The following ARL17A variants were observed in gnomAD, a reference collection of about 807,000 sequenced individuals.
The protein encoded by ARL17A is ADP-ribosylation factor-like 17-like.
chr17:46,525,623 C>A (rs369569241), downstream of ARL17A, among the ~76,000 whole-genome samples: 7,522 of 104,862 alleles, frequency 0.072, 134 homozygotes, highest in Non-Finnish European at 0.083. Context: ...TAATCATCAT[C>A]ATCATCATCA....
intron 3 of ARL17A, among the ~76,000 whole-genome samples, chr17:46,541,339 C>T (rs2145563558): frequency 6.7e-6 from 1 of 149,770 alleles, no homozygotes; most frequent in South Asian, 2.1e-4. Context: ...GCAACCTCCA[C>T]CTCCCAGGTT....
intron 4 of ARL17A, among the ~76,000 whole-genome samples, chr17:46,532,926 G>C (rs1203955565): frequency 1.4e-5 from 2 of 142,870 alleles, no homozygotes; most frequent in African/African-American, 2.8e-5. Flanking sequence ...CATACTGAGA[G>C]CTTATCTCTA....
chr17:46,503,690 T>C, the ARL17A span, among the ~76,000 whole-genome samples: 1 of 109,032 alleles, frequency 9.2e-6, no homozygotes, highest in African/African-American at 3.3e-5. Context: ...CAGATGAACC[T>C]CTAGTTGTTT....
Position 46,529,462 on chromosome 17 carries a change from A to G in ARL17A, c.336-603T>C, listed in dbSNP as rs551826647. Among the ~76,000 whole-genome samples the G allele has an allele frequency of 2.0e-4, 21 of 107,406 alleles. 3 individuals carry two copies. The highest frequency in any genetic ancestry group is 5.7e-4 in the African/African-American group (18 of 31,388). 70.5% of individuals were successfully genotyped at this position (107,406 alleles called of 152,430 possible). ...GAGTCAGTGCACCTTAGTTTAATGT[A>G]TAAAATGAAGGACTTGAACCAGAAA... is the stretch of plus-strand genomic sequence containing the variant. On this transcript the variant is annotated intron_variant, in intron 4 of 4. Coordinates refer to the ARL17A transcript ENST00000329240.
chr17:46,539,913 T>G (rs1189548759), intron 3 of ARL17A, among the ~76,000 whole-genome samples: 1 of 146,346 alleles, frequency 6.8e-6, no homozygotes, highest in Non-Finnish European at 1.5e-5. Context: ...ACCTGAAAAG[T>G]TCTGTGGCAT....
At chr17:46,534,722 G>C (rs2054332631) in intron 4 of ARL17A, among the ~76,000 whole-genome samples, 1 of 150,118 alleles carries the variant, frequency 6.7e-6, no homozygotes, top group Non-Finnish European at 1.5e-5. Flanking sequence ...ACACCTCCCA[G>C]ACGGGGTGGC....
In ARL17A at chr17:46,554,086, T is replaced by C; in HGVS notation, c.*3270A>G. On this transcript the variant is annotated 3_prime_UTR_variant, in exon 4 of 4. Transcript: ENST00000336125. ...CTGGATCCTAGAACTGAGGAAACAC[T>C]ATTTTCTCATCTTACTGGTTTTTGG... 2.0e-6 allele frequency: 2 copies of C among 982,094 alleles called. No homozygotes were observed. Among genetic ancestry groups the C allele is most frequent in the Non-Finnish European group, 2.4e-6 (2 of 830,116 alleles). 60.8% of individuals were successfully genotyped at this position (982,094 alleles called of 1,614,324 possible). A position where few individuals can be genotyped will look rare whatever the true frequency, so the allele number is the denominator to read the frequency against.
the ARL17A span, among the ~76,000 whole-genome samples, chr17:46,501,845 A>T: frequency 6.6e-6 from 1 of 151,220 alleles, no homozygotes; most frequent in African/African-American, 2.5e-5. Flanking sequence ...ATTAACCTTG[A>T]TCAAATCTGA....
chr17:46,530,331 A>T (rs1314624557), intron 4 of ARL17A, among the ~76,000 whole-genome samples: 1 of 136,488 alleles, frequency 7.3e-6, no homozygotes, highest in Non-Finnish European at 1.6e-5. Flanking sequence ...TTAAAGCCCT[A>T]GTTTGAGAAT....
the ARL17A span, among the ~76,000 whole-genome samples, chr17:46,501,511 C>T: frequency 4.0e-5 from 6 of 151,362 alleles, no homozygotes; most frequent in East Asian, 9.7e-4. Flanking sequence ...AATGTGTGGG[C>T]GTGACCAAGT....
At chr17:46,502,515 T>C in the ARL17A span, among the ~76,000 whole-genome samples, 1 of 150,860 alleles carries the variant, frequency 6.6e-6, no homozygotes, top group Non-Finnish European at 1.5e-5. Flanking sequence ...TTGGTCAGGC[T>C]GGTCTCGAAC....
At chr17:46,501,308 T>TGG in the ARL17A span, among the ~76,000 whole-genome samples, 100 of 151,280 alleles carry the variant, frequency 6.6e-4, 11 homozygotes, top group African/African-American at 2.3e-3. Flanking sequence ...CCTGAGTAGC[T>TGG]GGGACCACAG....
At chr17:46,548,838 C>T (rs1196114561), downstream of ARL17A, 1 of 1,612,396 alleles carries the variant, frequency 6.2e-7, no homozygotes, top group Non-Finnish European at 8.5e-7. Context: ...CCGTCTACAC[C>T]AAGCCTTCCT....
At position 46,553,342 on chromosome 17, in the gene ARL17A, A is replaced by C; in HGVS notation, c.*4014T>G. 1.2e-6 allele frequency: 2 copies of C among 1,608,586 alleles called. No homozygotes were observed. The highest frequency in any genetic ancestry group is 1.7e-6 in the Non-Finnish European group (2 of 1,179,634). On this transcript the variant is annotated 3_prime_UTR_variant, in exon 4 of 4. Transcript: ENST00000336125. ...TAATGAATAAAAGGAATCAATACAGATTTGGAGACGGTGGTTGTTGTCATA... is the reference window on the plus strand; with the variant it reads ...TAATGAATAAAAGGAATCAATACAGCTTTGGAGACGGTGGTTGTTGTCATA...
At chr17:46,521,702 T>C (rs1386722733) in intron 3 of ARL17A, among the ~76,000 whole-genome samples, 3 of 72,792 alleles carry the variant, frequency 4.1e-5, no homozygotes, top group Non-Finnish European at 1.0e-4. Context: ...AATAGGACTT[T>C]AAAGGGCCAT....
the ARL17A span, among the ~76,000 whole-genome samples, chr17:46,501,547 G>GAC: frequency 6.6e-6 from 1 of 151,354 alleles, no homozygotes; most frequent in Admixed American, 6.5e-5. Context: ...ATATAAAGGA[G>GAC]ACTTTATCAT....
chr17:46,558,054 TTTTG>T (rs1194080462), intron 3 of ARL17A, among the ~76,000 whole-genome samples: 10 of 137,838 alleles, frequency 7.3e-5, no homozygotes, highest in South Asian at 2.2e-4. Flanking sequence ...AATTCAGGAG[TTTTG>T]TTTGTTTTTT....
rs1402242766 is a variant in ARL17A at position 46,556,609 on chromosome 17, AG to A, written c.*746del. ...CTTTTTGGTGACCAGTCCCCAAATA[AG>A]GAGCCCACCAAGAGTCACCTCATGA... On this transcript the variant is annotated 3_prime_UTR_variant, in exon 4 of 4. Coordinates refer to ENST00000336125, the MANE Select transcript of ARL17A (RefSeq NM_001113738.2). The A allele has an allele frequency of 2.9e-4, 2 of 6,990 alleles. No homozygotes were observed. Among genetic ancestry groups the A allele is most frequent in the Admixed American group, 1.2e-3 (1 of 816 alleles). The allele number at this position is 6,990 out of a possible 1,614,324, so 0.4% of individuals were successfully genotyped here.
At chr17:46,502,653 C>A in the ARL17A span, among the ~76,000 whole-genome samples, 1 of 151,212 alleles carries the variant, frequency 6.6e-6, no homozygotes, top group Non-Finnish European at 1.5e-5. Context: ...GTCTTTTTTG[C>A]TTTTTATAAA....
Sources: allele counts gnomAD v4.1 joint callset (sites outside exome capture counted in the v4.1 genomes callset), GRCh38; gene constraint gnomAD v4.1.1; transcripts MANE v1.5; gene names NCBI Gene and HGNC (gene_info 2026-07-23, HGNC 2026-07-21).